The following DIP2C variants were observed in gnomAD, a reference collection of about 807,000 sequenced individuals.
DIP2C encodes the protein DIP2 acetate--CoA ligase C (putative), also known as disco-interacting protein 2 homolog C.
In DIP2C, 33 loss-of-function variants were observed where a neutral mutation model predicts 192.4. The observed-to-expected ratio is 0.17, with a 90% CI of 0.13 to 0.23. DIP2C has a LOEUF of 0.23. Ranked by LOEUF, DIP2C falls within the 10% of genes least tolerant of loss-of-function variation. The pLI is 1.00. For missense variants in DIP2C, 1,537 were observed against 2,110.1 expected (o/e 0.73, Z 5.32); for synonymous variants, 979 against 864.1 (o/e 1.13, Z -2.33).
chr10:597,055 G>T (rs995216300), intron 1 of DIP2C, among the ~76,000 whole-genome samples: 2 of 152,220 alleles, frequency 1.3e-5, no homozygotes. Context: ...AGACTAAGTG[G>T]AGACCCATCC....
At chr10:571,384 G>A (rs1047387512) in intron 1 of DIP2C, among the ~76,000 whole-genome samples, 7 of 152,102 alleles carry the variant, frequency 4.6e-5, no homozygotes, top group African/African-American at 9.7e-5. Context: ...CAGCTGTGAC[G>A]CACCCGCGAG....
At chr10:330,084 A>C (rs1957436482) in intron 29 of DIP2C, among the ~76,000 whole-genome samples, 2 of 152,346 alleles carry the variant, frequency 1.3e-5, no homozygotes, top group South Asian at 2.1e-4. Flanking sequence ...CTTTGAGCTG[A>C]GTGGTCAGAG....
chr10:304,683 C>T (rs1478099848), intron 32 of DIP2C, among the ~76,000 whole-genome samples: 1 of 85,664 alleles, frequency 1.2e-5, no homozygotes, highest in Admixed American at 1.4e-4. Context: ...ACAATACTCA[C>T]ATAGCCCACA....
At chr10:558,954 T>TC (rs1184279983) in intron 1 of DIP2C, among the ~76,000 whole-genome samples, 2 of 11,368 alleles carry the variant, frequency 1.8e-4, no homozygotes, top group Non-Finnish European at 3.9e-4. Context: ...GCCCAACCCC[T>TC]CCCCCGGCAG....
At chr10:481,776 T>A in intron 2 of DIP2C, among the ~76,000 whole-genome samples, 1 of 152,070 alleles carries the variant, frequency 6.6e-6, no homozygotes, top group Non-Finnish European at 1.5e-5. Flanking sequence ...TGCACATCCA[T>A]CCTCGTACCA....
chr10:337,301 CTGTG>C (rs537765230), intron 29 of DIP2C, among the ~76,000 whole-genome samples: 70 of 13,476 alleles, frequency 5.2e-3, no homozygotes, highest in South Asian at 0.01. Context: ...GCCTAGGCAG[CTGTG>C]TGTGTGTGTG....
intron 1 of DIP2C, among the ~76,000 whole-genome samples, chr10:582,794 T>C (rs1588518228): frequency 1.3e-5 from 2 of 152,108 alleles, no homozygotes; most frequent in African/African-American, 4.8e-5. Context: ...TATAGTGGAA[T>C]CAGACACTGT....
At chr10:290,983 T>C (rs948718222) in intron 32 of DIP2C, among the ~76,000 whole-genome samples, 1 of 152,230 alleles carries the variant, frequency 6.6e-6, no homozygotes, top group Non-Finnish European at 1.5e-5. Context: ...TCTGGAGTTA[T>C]AAAAGTGATG....
At chr10:648,161 G>T (rs1477372224) in intron 1 of DIP2C, among the ~76,000 whole-genome samples, 1 of 150,246 alleles carries the variant, frequency 6.7e-6, no homozygotes, top group East Asian at 2.0e-4. Context: ...GTCCACATTG[G>T]ACAGTGGGCA....
intron 1 of DIP2C, among the ~76,000 whole-genome samples, chr10:575,905 T>G (rs1850119428): frequency 6.6e-6 from 1 of 152,218 alleles, no homozygotes. Context: ...TCCTCCATGG[T>G]AACAGCTGAG....
At chr10:595,231 G>A (rs1273807458) in intron 1 of DIP2C, among the ~76,000 whole-genome samples, 1 of 152,186 alleles carries the variant, frequency 6.6e-6, no homozygotes, top group Non-Finnish European at 1.5e-5. Context: ...CCCTCACGCA[G>A]GTTTACTCAC....
At chr10:502,127 T>C (rs1004757385) in intron 1 of DIP2C, among the ~76,000 whole-genome samples, 1 of 152,188 alleles carries the variant, frequency 6.6e-6, no homozygotes, top group Non-Finnish European at 1.5e-5. Context: ...GCATGGGTGA[T>C]AGTGACCCTG....
At chr10:474,945 T>C (rs183917606) in intron 2 of DIP2C, among the ~76,000 whole-genome samples, 167 of 152,246 alleles carry the variant, frequency 1.1e-3, no homozygotes, top group Non-Finnish European at 1.9e-3. Context: ...TCTCCCTCGA[T>C]AATCTTTTTG....
At chr10:336,553 C>T (rs183020964) in intron 29 of DIP2C, among the ~76,000 whole-genome samples, 230 of 152,324 alleles carry the variant, frequency 1.5e-3, no homozygotes, top group African/African-American at 5.2e-3. Flanking sequence ...ATTATGTACA[C>T]AACTTAATAC....
chr10:479,896 A>G (rs558114780), intron 2 of DIP2C, among the ~76,000 whole-genome samples: 2 of 150,972 alleles, frequency 1.3e-5, no homozygotes, highest in Non-Finnish European at 2.9e-5. Flanking sequence ...GATGAGTGTC[A>G]TCCGCCAGCC....
At chr10:367,100 A>G (rs189839917) in intron 18 of DIP2C, among the ~76,000 whole-genome samples, 21 of 152,350 alleles carry the variant, frequency 1.4e-4, no homozygotes, top group African/African-American at 1.4e-4. Flanking sequence ...CAGTGGAAAC[A>G]TAAGTTAAAC....
intron 1 of DIP2C, among the ~76,000 whole-genome samples, chr10:521,882 ACCC>A (rs1217983799): frequency 1.4e-5 from 2 of 147,272 alleles, no homozygotes; most frequent in East Asian, 4.0e-4. Context: ...TCATTCCCCC[ACCC>A]CCACCGGACC....
At chr10:405,621 A>T (rs1964747039) in intron 9 of DIP2C, among the ~76,000 whole-genome samples, 1 of 152,240 alleles carries the variant, frequency 6.6e-6, no homozygotes, top group Non-Finnish European at 1.5e-5. Flanking sequence ...TAGTGATCCC[A>T]ATACAATACT....
At chr10:439,253 C>T (rs1346548614) in intron 4 of DIP2C, among the ~76,000 whole-genome samples, 12 of 151,252 alleles carry the variant, frequency 7.9e-5, no homozygotes, top group Admixed American at 4.6e-4. Flanking sequence ...GCACGGCGTT[C>T]ACTCCCTTGC....
Sources: allele counts gnomAD v4.1 joint callset (sites outside exome capture counted in the v4.1 genomes callset), GRCh38; gene constraint gnomAD v4.1.1; transcripts MANE v1.5; gene names NCBI Gene and HGNC (gene_info 2026-07-23, HGNC 2026-07-21).